Variants in ELP3 observed in about 807,000 individuals in gnomAD.
The protein encoded by ELP3 is elongator complex protein 3.
In ELP3, 56 loss-of-function variants were observed where a neutral mutation model predicts 74.9. The ratio of observed to expected loss-of-function variants is 0.75; its 90% confidence interval spans 0.60 to 0.93. The LOEUF is 0.93. Ranked by LOEUF, ELP3 falls within the 40% of genes least tolerant of loss-of-function variation. The pLI, the probability that ELP3 is intolerant of heterozygous loss-of-function variation, is 0.00. For missense variants in ELP3, 573 were observed against 686.5 expected, an observed-to-expected ratio of 0.83 and a Z score of 1.85; for synonymous variants, 222 against 239.8, an observed-to-expected ratio of 0.93 and a Z score of 0.68.
In ELP3 at chr8:28,113,150, C is replaced by T; in HGVS notation, c.594C>T (p.Ser198=). 1.2e-6 allele frequency: 2 copies of T among 1,612,808 alleles called. No homozygotes were observed. The highest frequency in any genetic ancestry group is 1.1e-5 in the South Asian group (1 of 90,828). ...ATGATGCCTTATCAGGACATACTTC[C>T]AACAATATTTACGAGGCAGTCAAGT... ...NLHDALSGHT[S]NNIYEAVKYS... Residue 198 remains serine (S), a synonymous_variant, in exon 7 of 15, where the codon TCC becomes TCT. Coordinates refer to ENST00000256398, the MANE Select transcript of ELP3 (RefSeq NM_018091.6).
At chr8:28,126,950 T>C (rs1585675653) in intron 7 of ELP3, among the ~76,000 whole-genome samples, 1 of 150,398 alleles carries the variant, frequency 6.6e-6, no homozygotes, top group Non-Finnish European at 1.5e-5. Context: ...GTTTAATTGC[T>C]TTTCAGATGC....
At chr8:28,151,229 G>T (rs1813631234) in intron 10 of ELP3, among the ~76,000 whole-genome samples, 5 of 152,084 alleles carry the variant, frequency 3.3e-5, no homozygotes, top group Admixed American at 2.0e-4. Context: ...CTACTAATAA[G>T]CCCATCACAG....
At chr8:28,159,738 T>C (rs1813991029) in intron 12 of ELP3, among the ~76,000 whole-genome samples, 1 of 152,222 alleles carries the variant, frequency 6.6e-6, no homozygotes, top group Non-Finnish European at 1.5e-5. Flanking sequence ...CCACACTTCC[T>C]TGAAATTTCG....
chr8:28,116,461 C>T (rs538194759), intron 7 of ELP3, among the ~76,000 whole-genome samples: 4 of 152,288 alleles, frequency 2.6e-5, no homozygotes, highest in East Asian at 1.9e-4. Flanking sequence ...ATCAAGAGGC[C>T]GGGCGTAGTG....
intron 7 of ELP3, among the ~76,000 whole-genome samples, chr8:28,129,145 CA>C (rs1333290629): frequency 2.6e-5 from 4 of 152,162 alleles, no homozygotes; most frequent in African/African-American, 9.6e-5. Context: ...TAGGTTTTCA[CA>C]GTTGAAATCA....
intron 10 of ELP3, among the ~76,000 whole-genome samples, chr8:28,140,419 T>C (rs1200676782): frequency 6.6e-6 from 1 of 152,194 alleles, no homozygotes; most frequent in Non-Finnish European, 1.5e-5. Context: ...TCCTAATTAA[T>C]AAATTGTAAG....
intron 5 of ELP3, 44 bp downstream of exon 5, chr8:28,108,020 C>A: frequency 6.6e-7 from 1 of 1,512,092 alleles, no homozygotes; most frequent in Non-Finnish European, 9.2e-7. Flanking sequence ...TTGCATCATG[C>A]TTTACCTGTA....
At chr8:28,103,190 A>C (rs529937595) in intron 3 of ELP3, among the ~76,000 whole-genome samples, 48 of 152,272 alleles carry the variant, frequency 3.2e-4, no homozygotes, top group African/African-American at 1.1e-3. Context: ...ACAAACAAAC[A>C]AACAAACAAA....
chr8:28,189,849 C>G lies in ELP3; in HGVS notation c.*124C>G. On this transcript the variant is annotated 3_prime_UTR_variant, in exon 15 of 15. Coordinates refer to ENST00000256398, the MANE Select transcript of ELP3 (RefSeq NM_018091.6). The stretch of plus-strand genomic sequence containing the variant: ...GGGGGGCTTCACCCTCATCCCGCAG[C>G]TGCAGAGACTGGAAACTGCCTTCAA... 9.7e-7 allele frequency: 1 copy of G among 1,031,426 alleles called. No homozygotes were observed. Among genetic ancestry groups the G allele is most frequent in the Non-Finnish European group, 1.4e-6 (1 of 695,538 alleles). 63.9% of individuals were successfully genotyped at this position (1,031,426 alleles called of 1,614,324 possible). A position where few individuals can be genotyped will look rare whatever the true frequency, so the allele number is the denominator to read the frequency against.
chr8:28,161,858 C>T (rs1814105221), intron 13 of ELP3, 139 bp from the exon 14 acceptor site: 1 of 681,086 alleles, frequency 1.5e-6, no homozygotes, highest in Non-Finnish European at 2.5e-6. Context: ...GTTTCTTTTT[C>T]CTTACTCCCA....
upstream of ELP3, chr8:28,090,330 C>T: frequency 2.6e-6 from 1 of 391,208 alleles, no homozygotes; most frequent in Middle Eastern, 8.5e-4. Flanking sequence ...CCTCCATAGT[C>T]TGGTGAGTGT....
In ELP3 at chr8:28,097,250, G is replaced by A. The variant is rs777631204; in HGVS notation, c.51G>A (p.Leu17=). The change falls in exon 2 of 15, where the codon CTG becomes CTA. Residue 17 remains leucine, a synonymous_variant. Coordinates refer to ENST00000256398, the MANE Select transcript of ELP3 (RefSeq NM_018091.6). The part of the protein sequence containing the change: ...GDLSPAELMM[L]TIGDVIKQLI... ...TCAGCCCTGCTGAGCTGATGATGCT[G>A]ACTATAGGAGATGTTATTAAACAAC... is the stretch of plus-strand genomic sequence containing the variant. 2 of 1,613,688 alleles carry A rather than the reference G, an allele frequency of 1.2e-6. No individual in the cohort carries two copies. Among genetic ancestry groups the A allele is most frequent in the African/African-American group, 1.3e-5 (1 of 74,942 alleles).
At chr8:28,140,090 T>C (rs964933459) in intron 10 of ELP3, among the ~76,000 whole-genome samples, 2 of 151,360 alleles carry the variant, frequency 1.3e-5, no homozygotes, top group Non-Finnish European at 2.9e-5. Context: ...CCCCTTTGGA[T>C]ACCGAGGGAC....
At chr8:28,122,910 G>A (rs927140182) in intron 7 of ELP3, among the ~76,000 whole-genome samples, 1 of 152,170 alleles carries the variant, frequency 6.6e-6, no homozygotes, top group Non-Finnish European at 1.5e-5. Flanking sequence ...GATCACCTGA[G>A]GTCAGGAGTT....
chr8:28,153,294 A>G (rs1375403238), intron 10 of ELP3, among the ~76,000 whole-genome samples: 1 of 152,186 alleles, frequency 6.6e-6, no homozygotes, highest in Non-Finnish European at 1.5e-5. Flanking sequence ...GCTTTTTATG[A>G]TTGTAAATTA....
At chr8:28,097,182 A>G (rs368407461) in intron 1 of ELP3, 37 bp from the exon 2 acceptor site, 1 of 1,399,458 alleles carries the variant, frequency 7.1e-7, no homozygotes, top group African/African-American at 1.4e-5. Flanking sequence ...TGATTGAATG[A>G]TACGATTTTT....
At chr8:28,168,256 G>C (rs1292889067) in intron 14 of ELP3, among the ~76,000 whole-genome samples, 2 of 152,208 alleles carry the variant, frequency 1.3e-5, no homozygotes, top group East Asian at 3.8e-4. Flanking sequence ...GGAGGCAACT[G>C]AATTTTTTGT....
chr8:28,183,594 T>C (rs986075952), intron 14 of ELP3, among the ~76,000 whole-genome samples: 3 of 152,116 alleles, frequency 2.0e-5, no homozygotes, highest in African/African-American at 7.2e-5. Flanking sequence ...CAGCTAACTT[T>C]TTGCATTTTT....
chr8:28,092,218 A>G (rs1811071561), upstream of ELP3, among the ~76,000 whole-genome samples: 2 of 140,768 alleles, frequency 1.4e-5, no homozygotes, highest in South Asian at 4.5e-4. Context: ...TCAGTTCACA[A>G]GCTTAACTTT....
Sources: allele counts gnomAD v4.1 joint callset (sites outside exome capture counted in the v4.1 genomes callset), GRCh38; gene constraint gnomAD v4.1.1; transcripts MANE v1.5; gene names NCBI Gene and HGNC (gene_info 2026-07-23, HGNC 2026-07-21).